PADI2: variants seen among roughly 807,000 people sequenced by gnomAD.
PADI2 encodes protein-arginine deiminase type-2.
A neutral mutation model predicts 81.1 loss-of-function variants in PADI2; 70 were observed. The observed-to-expected ratio is 0.86, with a 90% CI of 0.71 to 1.05. PADI2 has a LOEUF of 1.05. Ranked by LOEUF, PADI2 falls within the 50% of genes least tolerant of loss-of-function variation. The pLI, the probability that PADI2 is intolerant of heterozygous loss-of-function variation, is 0.00. For missense variants in PADI2, 853 were observed against 889.9 expected (o/e 0.96, Z 0.53); for synonymous variants, 338 against 358.0 (o/e 0.94, Z 0.63).
chr1:17,075,880 C>G, intron 11 of PADI2, 57 bp from the exon 12 acceptor site: 2 of 1,561,512 alleles, frequency 1.3e-6, no homozygotes, highest in South Asian at 2.2e-5. Flanking sequence ...AGAGGGCCTG[C>G]AAGAGGAGTT....
chr1:17,101,715 C>G (rs1011863458), intron 3 of PADI2, among the ~76,000 whole-genome samples: 1 of 152,062 alleles, frequency 6.6e-6, no homozygotes, highest in East Asian at 1.9e-4. Flanking sequence ...GGGGCTGGCT[C>G]GGGAGTTAGT....
chr1:17,073,834 C>T (rs2078282047), intron 13 of PADI2, among the ~76,000 whole-genome samples: 1 of 152,176 alleles, frequency 6.6e-6, no homozygotes, highest in African/African-American at 2.4e-5. Flanking sequence ...TCCACCTGAT[C>T]ATCTTTCCCT....
intron 7 of PADI2, 109 bp downstream of exon 7, chr1:17,086,412 C>T (rs1930430539): frequency 1.1e-6 from 1 of 922,754 alleles, no homozygotes; most frequent in Non-Finnish European, 1.6e-6. Context: ...GGACCCACCC[C>T]TTTGGCGCTT....
At chr1:17,093,972 G>A (rs1249864902) in intron 4 of PADI2, among the ~76,000 whole-genome samples, 8 of 152,078 alleles carry the variant, frequency 5.3e-5, no homozygotes, top group African/African-American at 1.9e-4. Flanking sequence ...GGAGGTGGAG[G>A]CTGGCCAGAG....
chr1:17,087,840 C>T (rs1214498326), intron 6 of PADI2, among the ~76,000 whole-genome samples: 6 of 152,126 alleles, frequency 3.9e-5, no homozygotes, highest in Non-Finnish European at 8.8e-5. Flanking sequence ...GTGACCTGTG[C>T]GAGGGTAGAG....
In PADI2 at chr1:17,066,872, T is replaced by C. The variant is rs561953650; in HGVS notation, c.*2172A>G. The C allele has an allele frequency of 6.6e-6, 1 of 152,358 alleles. No homozygotes were observed. The highest frequency in any genetic ancestry group is 1.5e-5 in the Non-Finnish European group (1 of 68,038). The allele number at this position is 152,358 out of a possible 1,614,324, so 9.4% of individuals were successfully genotyped here. A position where few individuals can be genotyped will look rare whatever the true frequency, so the allele number is the denominator to read the frequency against. On this transcript the variant is annotated 3_prime_UTR_variant, in exon 16 of 16. Coordinates refer to ENST00000375486, the MANE Select transcript of PADI2 (RefSeq NM_007365.3). ...CAGAAATTTGAAACTGTGTTCTTCT[T>C]GCCATCTTCACGACATCCCCTGCCC...
At chr1:17,104,431 CTTTTTTT>C (rs1217484961) in intron 2 of PADI2, among the ~76,000 whole-genome samples, 2 of 79,790 alleles carry the variant, frequency 2.5e-5, no homozygotes, top group South Asian at 5.4e-4. Flanking sequence ...TTTGCCTTTT[CTTTTTTT>C]TTTTTTTTTT....
intron 13 of PADI2, among the ~76,000 whole-genome samples, chr1:17,073,416 CAAAA>C (rs55941211): frequency 3.1e-5 from 4 of 127,440 alleles, no homozygotes; most frequent in Admixed American, 8.0e-5. Context: ...GACTGTGTCT[CAAAA>C]AAAAAAAAAA....
intron 1 of PADI2, among the ~76,000 whole-genome samples, chr1:17,117,515 C>G (rs548663780): frequency 5.9e-5 from 9 of 152,030 alleles, no homozygotes; most frequent in Non-Finnish European, 1.3e-4. Context: ...CCTTAAGTGC[C>G]GGTGGGGGTT....
intron 6 of PADI2, among the ~76,000 whole-genome samples, chr1:17,089,401 GA>G (rs1930591817): frequency 6.6e-6 from 1 of 152,164 alleles, no homozygotes; most frequent in African/African-American, 2.4e-5. Flanking sequence ...ATGCTCAGGG[GA>G]CAGTCAGGCT....
At chr1:17,112,669 C>T (rs1325131469) in intron 1 of PADI2, among the ~76,000 whole-genome samples, 1 of 152,162 alleles carries the variant, frequency 6.6e-6, no homozygotes, top group Non-Finnish European at 1.5e-5. Flanking sequence ...GGGTGGGCAG[C>T]TGCCCTGAAC....
At chr1:17,083,874 AG>A (rs767206176) in intron 8 of PADI2, 37 bp from the exon 9 acceptor site, 6 of 1,211,162 alleles carry the variant, frequency 5.0e-6, no homozygotes, top group Non-Finnish European at 6.1e-6. Flanking sequence ...GCCAGGAGAA[AG>A]GGTGAGGAGG....
At chr1:17,071,577 G>T in intron 13 of PADI2, 86 bp from the exon 14 acceptor site, 2 of 1,004,380 alleles carry the variant, frequency 2.0e-6, no homozygotes, top group South Asian at 1.4e-5. Flanking sequence ...CCAGGCCTGG[G>T]CTAACTGCTG....
chr1:17,069,053 C>A lies in PADI2; in HGVS notation c.1989G>T (p.Met663Ile). 6.2e-7 allele frequency: 1 copy of A among 1,612,190 alleles called. No individual in the cohort carries two copies. Residue 663 changes from methionine (M) to isoleucine (I), a missense_variant, in exon 16 of 16, where the codon ATG (methionine) becomes ATT (isoleucine). Physicochemically the swap from Met to Ile is conservative, Grantham distance 10 (BLOSUM62 1). Coordinates refer to ENST00000375486, the MANE Select transcript of PADI2 (RefSeq NM_007365.3). ...RKPFTFKWWH[M>I]VP is the part of the protein sequence containing the mutation. ...CAGGGCCCCTGGCAGGTCAGGGCAC[C>A]ATGTGCCACCACTTGAAGGTGAAGG...
intron 3 of PADI2, among the ~76,000 whole-genome samples, chr1:17,097,568 C>T (rs1311492271): frequency 6.6e-6 from 1 of 152,166 alleles, no homozygotes; most frequent in Admixed American, 6.5e-5. Context: ...CTGTACCAGG[C>T]AACGGGCAAT....
chr1:17,095,862 T>G, intron 4 of PADI2, 47 bp downstream of exon 4: 1 of 1,505,620 alleles, frequency 6.6e-7, no homozygotes. Flanking sequence ...GGCTGTGCCC[T>G]CGGAAGCCCT....
chr1:17,090,007 A>G, intron 6 of PADI2, among the ~76,000 whole-genome samples: 1 of 152,194 alleles, frequency 6.6e-6, no homozygotes, highest in East Asian at 1.9e-4. Context: ...TAAAATAAGG[A>G]AAGTCCTGGG....
intron 13 of PADI2, among the ~76,000 whole-genome samples, chr1:17,074,163 G>A (rs985543970): frequency 3.3e-5 from 5 of 151,900 alleles, no homozygotes; most frequent in Admixed American, 6.6e-5. Context: ...AGGCTGAGGC[G>A]GGTGGATCAC....
At chr1:17,077,962 C>T (rs2078316406) in intron 11 of PADI2, among the ~76,000 whole-genome samples, 1 of 152,178 alleles carries the variant, frequency 6.6e-6, no homozygotes, top group Non-Finnish European at 1.5e-5. Flanking sequence ...CAGGGACTCA[C>T]ATTTCTGGGG....
Sources: gnomAD v4.1 joint callset for allele counts (sites outside exome capture counted in the v4.1 genomes callset) on GRCh38, gnomAD v4.1.1 for gene constraint, MANE v1.5 for transcripts, NCBI Gene and HGNC (gene_info 2026-07-23, HGNC 2026-07-21) for gene names.